The following C8orf34 variants were observed in gnomAD, a reference collection of about 807,000 sequenced individuals.
C8orf34 encodes uncharacterized protein C8orf34.
A neutral mutation model predicts 68.3 loss-of-function variants in C8orf34; 65 were observed. The observed-to-expected ratio is 0.95, with a 90% CI of 0.78 to 1.17. The LOEUF (loss-of-function observed/expected upper bound fraction) is 1.17. Ranked by LOEUF, C8orf34 falls within the 50% of genes most tolerant of loss-of-function variation. The pLI, the probability that C8orf34 is intolerant of heterozygous loss-of-function variation, is 0.00. For synonymous variants in C8orf34, 244 were observed against 241.2 expected, an observed-to-expected ratio of 1.01 and a Z score of -0.11; for missense variants, 664 against 655.4, an observed-to-expected ratio of 1.01 and a Z score of -0.14.
intron 1 of C8orf34, among the ~76,000 whole-genome samples, chr8:68,386,394 G>A (rs1183163330): frequency 1.3e-5 from 2 of 152,132 alleles, no homozygotes; most frequent in Non-Finnish European, 2.9e-5. Context: ...TTAACCTTAA[G>A]AAGGAAGACT....
intron 5 of C8orf34, among the ~76,000 whole-genome samples, chr8:68,506,959 C>T (rs7838662): frequency 0.12 from 18,463 of 151,980 alleles, 1,137 homozygotes; most frequent in East Asian, 0.17. Context: ...TACATTGTTT[C>T]TGAGCCCTCT....
At chr8:68,481,482 C>A (rs1240967836) in intron 4 of C8orf34, among the ~76,000 whole-genome samples, 1 of 152,158 alleles carries the variant, frequency 6.6e-6, no homozygotes, top group East Asian at 1.9e-4. Context: ...GTAGATCCAC[C>A]AACAGCTTGC....
chr8:68,431,849 G>A (rs1810464262), intron 1 of C8orf34, among the ~76,000 whole-genome samples: 1 of 151,892 alleles, frequency 6.6e-6, no homozygotes, highest in Non-Finnish European at 1.5e-5. Context: ...TTTTAGTTGT[G>A]GTATTTTCAT....
rs1807979713 is a variant in C8orf34, at chr8:68,380,330, G to A, written c.327+48991G>A. 2.0e-5 allele frequency among the ~76,000 whole-genome samples: 3 copies of A among 152,240 alleles called. No individual in the cohort carries two copies. In the South Asian group the frequency reaches 6.2e-4, roughly 32 times the overall value. Reference sequence around the variant, plus strand: ...TGACAGGAACAAGATGTACTTGAAAGAGAAACTGAGTTCAGCCAGAAAAAT... The same window carrying A: ...TGACAGGAACAAGATGTACTTGAAAAAGAAACTGAGTTCAGCCAGAAAAAT... On this transcript the variant is annotated intron_variant, in intron 1 of 13. Transcript: ENST00000518698.
At chr8:68,724,707 A>C (rs1375141842) in intron 10 of C8orf34, among the ~76,000 whole-genome samples, 1 of 152,180 alleles carries the variant, frequency 6.6e-6, no homozygotes, top group Non-Finnish European at 1.5e-5. Flanking sequence ...CCATTTAGTA[A>C]ACCAACAAAA....
At position 68,815,917 on chromosome 8, in the gene C8orf34, C is replaced by T; in HGVS notation, c.1581C>T (p.Cys527=). The T allele has an allele frequency of 6.2e-7, 1 of 1,613,796 alleles. No homozygotes were observed. Among genetic ancestry groups the T allele is most frequent in the South Asian group, 1.1e-5 (1 of 91,078 alleles). Residue 527 remains cysteine, a synonymous_variant, in exon 13 of 14, where the codon TGC becomes TGT. Coordinates refer to ENST00000518698, the MANE Select transcript of C8orf34 (RefSeq NM_052958.4). ...RSADLLLCVP[C]SSCPTLVYSG... The stretch of plus-strand genomic sequence containing the variant: ...CTGATCTTCTTCTTTGCGTTCCATG[C>T]TCTTCTTGTCCTACGCTGGTCTACT...
At chr8:68,805,144 A>G (rs951943548) in intron 12 of C8orf34, among the ~76,000 whole-genome samples, 1 of 152,222 alleles carries the variant, frequency 6.6e-6, no homozygotes, top group East Asian at 1.9e-4. Context: ...CTCTAAGTCC[A>G]GCTTTGTTTT....
intron 8 of C8orf34, among the ~76,000 whole-genome samples, chr8:68,705,490 A>G (rs544761779): frequency 6.6e-6 from 1 of 152,310 alleles, no homozygotes; most frequent in East Asian, 1.9e-4. Context: ...TCAAATAAAG[A>G]CAACAGATGC....
intron 7 of C8orf34, among the ~76,000 whole-genome samples, chr8:68,536,008 T>C (rs550567683): frequency 6.6e-6 from 1 of 152,104 alleles, no homozygotes; most frequent in African/African-American, 2.4e-5. Flanking sequence ...AAAAAGGTTA[T>C]AGAAAATCTT....
chr8:68,598,883 C>T (rs959291181), intron 7 of C8orf34, among the ~76,000 whole-genome samples: 2 of 151,970 alleles, frequency 1.3e-5, no homozygotes, highest in African/African-American at 4.8e-5. Flanking sequence ...TATGAGAGGA[C>T]AAGATGTGCT....
At chr8:68,399,365 A>C (rs1419649034) in intron 1 of C8orf34, among the ~76,000 whole-genome samples, 2 of 152,002 alleles carry the variant, frequency 1.3e-5, no homozygotes, top group Non-Finnish European at 2.9e-5. Context: ...CTTTATGTCC[A>C]TGTGTACAGA....
chr8:68,497,832 G>T (rs1031502593), intron 5 of C8orf34, among the ~76,000 whole-genome samples: 24 of 151,748 alleles, frequency 1.6e-4, no homozygotes, highest in African/African-American at 4.1e-4. Context: ...TTCTATTTTT[G>T]GGGGGAGATG....
intron 1 of C8orf34, among the ~76,000 whole-genome samples, chr8:68,404,159 C>G (rs1420388830): frequency 2.0e-5 from 3 of 152,124 alleles, no homozygotes; most frequent in Non-Finnish European, 2.9e-5. Flanking sequence ...TGTTTGTTGG[C>G]CGTATAAATG....
chr8:68,768,503 C>T (rs113818330), intron 10 of C8orf34, among the ~76,000 whole-genome samples: 150 of 152,218 alleles, frequency 9.9e-4, no homozygotes, highest in African/African-American at 3.4e-3. Context: ...CATTTAACCT[C>T]GTTTCTTGTA....
chr8:68,610,913 G>A (rs992375601), intron 7 of C8orf34, among the ~76,000 whole-genome samples: 2 of 142,630 alleles, frequency 1.4e-5, no homozygotes, highest in Non-Finnish European at 3.0e-5. Context: ...TGCCCAGGCT[G>A]GAGTGCAATG....
At chr8:68,615,629 A>AGGGAT (rs1347097109) in intron 7 of C8orf34, among the ~76,000 whole-genome samples, 1 of 152,220 alleles carries the variant, frequency 6.6e-6, no homozygotes, top group Non-Finnish European at 1.5e-5. Context: ...CTTGCATCCC[A>AGGGAT]GGGATGAAGC....
At chr8:68,713,351 A>AT (rs1821378581) in intron 9 of C8orf34, among the ~76,000 whole-genome samples, 1 of 148,460 alleles carries the variant, frequency 6.7e-6, no homozygotes, top group Non-Finnish European at 1.5e-5. Flanking sequence ...AACTGAAAGA[A>AT]CAAAAAAAAT....
At chr8:68,392,273 A>G (rs1050893923) in intron 1 of C8orf34, among the ~76,000 whole-genome samples, 30 of 151,900 alleles carry the variant, frequency 2.0e-4, no homozygotes, top group African/African-American at 6.8e-4. Context: ...CTGTCTATAG[A>G]GAAAATCATC....
chr8:68,522,475 T>C (rs1416693831), intron 6 of C8orf34, among the ~76,000 whole-genome samples: 2 of 152,230 alleles, frequency 1.3e-5, no homozygotes, highest in African/African-American at 4.8e-5. Context: ...AATATATTTA[T>C]TAACATATAT....
Sources: allele counts gnomAD v4.1 joint callset (sites outside exome capture counted in the v4.1 genomes callset), GRCh38; gene constraint gnomAD v4.1.1; transcripts MANE v1.5; gene names NCBI Gene and HGNC (gene_info 2026-07-23, HGNC 2026-07-21).